Variants in ROBO2 observed in about 807,000 individuals in gnomAD.
ROBO2 encodes the protein roundabout homolog 2.
ROBO2 carries 53 observed loss-of-function variants against 160.8 expected under a neutral mutation model. The ratio of observed to expected loss-of-function variants is 0.33; its 90% CI spans 0.26 to 0.41. ROBO2 has a LOEUF of 0.41. ROBO2 is among the 10% of genes least tolerant of loss of function. ROBO2 has a pLI of 1.00. For synonymous variants in ROBO2, 664 were observed against 611.7 expected (o/e 1.09, Z -1.26); for missense variants, 1,577 against 1,722.4 (o/e 0.92, Z 1.49).
intron 2 of ROBO2, among the ~76,000 whole-genome samples, chr3:77,407,749 A>T (rs1482489039): frequency 6.6e-6 from 1 of 152,194 alleles, no homozygotes; most frequent in East Asian, 1.9e-4. Flanking sequence ...GCTCGTGTTT[A>T]TTTTAGACAT....
intron 2 of ROBO2, among the ~76,000 whole-genome samples, chr3:76,323,744 G>A (rs1047198758): frequency 2.0e-5 from 3 of 152,180 alleles, no homozygotes; most frequent in African/African-American, 7.2e-5. Flanking sequence ...TCCACGTGGT[G>A]CATTACAAGT....
intron 1 of ROBO2, among the ~76,000 whole-genome samples, chr3:77,065,777 C>T (rs7640155): frequency 0.3 from 45,114 of 151,858 alleles, 8,598 homozygotes; most frequent in East Asian, 0.62. Flanking sequence ...AAAATAGTGC[C>T]TCATGCTATT....
At chr3:76,688,629 A>ATGTG (rs2092734601) in intron 2 of ROBO2, among the ~76,000 whole-genome samples, 1 of 151,264 alleles carries the variant, frequency 6.6e-6, no homozygotes, top group African/African-American at 2.4e-5. Context: ...GTGTGTGTGC[A>ATGTG]TGCAAGAAAC....
chr3:76,286,805 A>T (rs1397058885), intron 2 of ROBO2, among the ~76,000 whole-genome samples: 1 of 152,164 alleles, frequency 6.6e-6, no homozygotes, highest in East Asian at 1.9e-4. Context: ...ATTGCTCATT[A>T]ATTTTTTTGT....
At chr3:76,079,138 A>T (rs954137446) in intron 2 of ROBO2, among the ~76,000 whole-genome samples, 3 of 152,178 alleles carry the variant, frequency 2.0e-5, no homozygotes, top group Non-Finnish European at 4.4e-5. Flanking sequence ...GGTTATAATA[A>T]ACTGGGAAGG....
intron 2 of ROBO2, among the ~76,000 whole-genome samples, chr3:77,440,364 A>G (rs7430745): frequency 0.64 from 97,252 of 151,938 alleles, 31,413 homozygotes; most frequent in East Asian, 0.7. Flanking sequence ...TTAACTTGAG[A>G]GTCTTTTGAT....
At chr3:75,960,928 A>G (rs1170348969) in intron 2 of ROBO2, among the ~76,000 whole-genome samples, 1 of 151,748 alleles carries the variant, frequency 6.6e-6, no homozygotes, top group Admixed American at 6.6e-5. Flanking sequence ...ACTAACATAT[A>G]CTTAACTATC....
intron 2 of ROBO2, among the ~76,000 whole-genome samples, chr3:76,125,630 T>G (rs942782740): frequency 2.0e-5 from 3 of 152,050 alleles, no homozygotes; most frequent in African/African-American, 4.8e-5. Flanking sequence ...ACATGTTTGT[T>G]GGCCACACAT....
At chr3:77,238,511 C>T (rs752714862) in intron 2 of ROBO2, among the ~76,000 whole-genome samples, 1 of 151,942 alleles carries the variant, frequency 6.6e-6, no homozygotes, top group Non-Finnish European at 1.5e-5. Flanking sequence ...ATTGGGAATT[C>T]TTATGATTTA....
At chr3:76,478,162 T>C (rs1222532874) in intron 2 of ROBO2, among the ~76,000 whole-genome samples, 2 of 145,262 alleles carry the variant, frequency 1.4e-5, no homozygotes, top group Non-Finnish European at 3.0e-5. Context: ...TATCTCCTAA[T>C]GCTATCCCTC....
intron 13 of ROBO2, among the ~76,000 whole-genome samples, chr3:77,570,652 T>C (rs1332174938): frequency 1.3e-5 from 2 of 152,024 alleles, no homozygotes; most frequent in Non-Finnish European, 2.9e-5. Context: ...TTAAGTGAAA[T>C]AAAGTCAGAC....
At chr3:76,078,880 C>T (rs1445496735) in intron 2 of ROBO2, among the ~76,000 whole-genome samples, 1 of 152,174 alleles carries the variant, frequency 6.6e-6, no homozygotes, top group Non-Finnish European at 1.5e-5. Flanking sequence ...CCTTTCTCCA[C>T]ATTCTCATCA....
intron 1 of ROBO2, among the ~76,000 whole-genome samples, chr3:75,924,607 C>G (rs1165718765): frequency 7.0e-6 from 1 of 143,782 alleles, no homozygotes. Context: ...AGTAAGACGG[C>G]TTTTATTTTT....
intron 2 of ROBO2, among the ~76,000 whole-genome samples, chr3:77,293,391 C>G (rs1254887664): frequency 9.2e-6 from 1 of 109,058 alleles, no homozygotes; most frequent in Non-Finnish European, 2.1e-5. Context: ...TAGATCACCC[C>G]AGACATAAAG....
chr3:77,035,735 T>C (rs899802110), upstream of ROBO2, among the ~76,000 whole-genome samples: 2 of 151,852 alleles, frequency 1.3e-5, no homozygotes, highest in Admixed American at 1.3e-4. Flanking sequence ...CCTCAGATCC[T>C]TTCTGGAACA....
At chr3:77,514,858 A>G (rs770090416) in intron 5 of ROBO2, among the ~76,000 whole-genome samples, 5 of 151,770 alleles carry the variant, frequency 3.3e-5, no homozygotes, top group Non-Finnish European at 7.4e-5. Context: ...CTGGGAAAAT[A>G]CTTGAAACCT....
intron 2 of ROBO2, among the ~76,000 whole-genome samples, chr3:77,303,496 G>A (rs936932058): frequency 6.6e-6 from 1 of 152,076 alleles, no homozygotes; most frequent in Admixed American, 6.6e-5. Context: ...TTATTCAAAT[G>A]ACTAATATTA....
chr3:76,939,029 A>G (rs1224972976), intron 2 of ROBO2, among the ~76,000 whole-genome samples: 4 of 151,058 alleles, frequency 2.6e-5, no homozygotes, highest in South Asian at 2.1e-4. Context: ...GTTTCTCTGA[A>G]TAGAAAACAA....
intron 6 of ROBO2, among the ~76,000 whole-genome samples, chr3:77,540,786 G>A (rs2092425750): frequency 6.6e-6 from 1 of 152,084 alleles, no homozygotes; most frequent in Non-Finnish European, 1.5e-5. Flanking sequence ...GTAAGATTCA[G>A]TTTACTGGTT....
Sources: allele counts gnomAD v4.1 joint callset (sites outside exome capture counted in the v4.1 genomes callset), GRCh38; gene constraint gnomAD v4.1.1; transcripts MANE v1.5; gene names NCBI Gene and HGNC (gene_info 2026-07-23, HGNC 2026-07-21).